FBXW11: variants seen among roughly 807,000 people sequenced by gnomAD.
The protein encoded by FBXW11 is F-box/WD repeat-containing protein 11.
A neutral mutation model predicts 77.6 loss-of-function variants in FBXW11; 19 were observed. That is an observed-to-expected ratio of 0.24 (90% CI 0.17 to 0.36). The LOEUF is 0.36. FBXW11 is among the 10% of genes least tolerant of loss of function. FBXW11 has a pLI of 1.00. For synonymous variants in FBXW11, 235 were observed against 249.4 expected (o/e 0.94, Z 0.54); for missense variants, 334 against 704.2 (o/e 0.47, Z 5.95).
chr5:171,967,883 T>TATAC (rs1244744249), intron 1 of FBXW11, among the ~76,000 whole-genome samples: 259 of 74,918 alleles, frequency 3.5e-3, no homozygotes, highest in African/African-American at 4.7e-3. Flanking sequence ...TATATATATA[T>TATAC]ACACACACAC....
chr5:171,939,121 C>A (rs1437536222), intron 2 of FBXW11, among the ~76,000 whole-genome samples: 2 of 151,944 alleles, frequency 1.3e-5, no homozygotes, highest in Non-Finnish European at 2.9e-5. Flanking sequence ...CCTGTAATAC[C>A]AGCTACTTGA....
At chr5:171,923,841 C>A (rs1290887578) in intron 2 of FBXW11, among the ~76,000 whole-genome samples, 2 of 148,572 alleles carry the variant, frequency 1.3e-5, no homozygotes, top group African/African-American at 5.0e-5. Context: ...AACACATACA[C>A]ACGTGATAGC....
intron 4 of FBXW11, among the ~76,000 whole-genome samples, chr5:171,909,487 T>C (rs75251658): frequency 0.026 from 3,988 of 152,214 alleles, 168 homozygotes; most frequent in African/African-American, 0.091. Flanking sequence ...TTTGGGGTAA[T>C]AATGATGTGT....
intron 7 of FBXW11, among the ~76,000 whole-genome samples, chr5:171,886,930 G>A (rs1464491353): frequency 2.0e-5 from 3 of 152,086 alleles, no homozygotes; most frequent in South Asian, 2.1e-4. Context: ...GAGGAGAATC[G>A]CTCACTTGAA....
intron 2 of FBXW11, among the ~76,000 whole-genome samples, chr5:171,930,769 A>AT (rs1289777983): frequency 0.029 from 4,321 of 149,022 alleles, 198 homozygotes; most frequent in African/African-American, 0.093. Context: ...AAATAAAAAA[A>AT]AAAAAAAGAA....
chr5:171,996,772 G>T, intron 1 of FBXW11: 2 of 663,336 alleles, frequency 3.0e-6, no homozygotes, highest in Non-Finnish European at 4.3e-6. Context: ...ACGCACAAAC[G>T]TCTAATATTT....
chr5:171,878,479 C>T (rs556605772), intron 7 of FBXW11, among the ~76,000 whole-genome samples: 1 of 151,452 alleles, frequency 6.6e-6, no homozygotes, highest in African/African-American at 2.4e-5. Flanking sequence ...TTTGGGAGGC[C>T]GAGACAGAAG....
At chr5:171,878,842 T>C (rs1028582353) in intron 7 of FBXW11, among the ~76,000 whole-genome samples, 3 of 151,974 alleles carry the variant, frequency 2.0e-5, no homozygotes, top group Non-Finnish European at 4.4e-5. Flanking sequence ...ATTGGCTCAC[T>C]CTCTGGAAAG....
intron 2 of FBXW11, among the ~76,000 whole-genome samples, chr5:171,952,901 T>C (rs1763422289): frequency 6.6e-6 from 1 of 151,784 alleles, no homozygotes; most frequent in Admixed American, 6.6e-5. Context: ...CTATCGTTAG[T>C]GTTAGTGTAA....
At chr5:171,879,808 T>G (rs1421609850) in intron 7 of FBXW11, among the ~76,000 whole-genome samples, 6 of 152,258 alleles carry the variant, frequency 3.9e-5, no homozygotes, top group Admixed American at 2.0e-4. Flanking sequence ...TTAAGCTAAT[T>G]GTTTTTTTTC....
chr5:171,977,532 G>A, intron 1 of FBXW11: 1 of 430,998 alleles, frequency 2.3e-6, no homozygotes, highest in Non-Finnish European at 4.6e-6. Flanking sequence ...TTGTCTAGCA[G>A]GGGATTACGC....
At chr5:171,910,885 T>C in intron 3 of FBXW11, 88 bp from the exon 4 acceptor site, 1 of 976,724 alleles carries the variant, frequency 1.0e-6, no homozygotes, top group East Asian at 2.7e-5. Context: ...ACCCTGTGTA[T>C]TTAATCTTAA....
At chr5:171,926,762 T>C (rs139435228) in intron 2 of FBXW11, among the ~76,000 whole-genome samples, 9 of 152,322 alleles carry the variant, frequency 5.9e-5, no homozygotes, top group African/African-American at 1.9e-4. Context: ...AACAGACTAA[T>C]AGAGGCTCCT....
rs190221400 is a variant in FBXW11 at position 171,975,997 on chromosome 5, C to T, written c.46-18299G>A. On this transcript the variant is annotated intron_variant, in intron 1 of 13. Transcript: ENST00000517395. Reference sequence around the variant, plus strand: ...AAAAGGAGACTATATACAGCATTTACTAACAACTCACAGGAATAATCAACC... The same window carrying T: ...AAAAGGAGACTATATACAGCATTTATTAACAACTCACAGGAATAATCAACC... Among the ~76,000 whole-genome samples the T allele has an allele frequency of 7.3e-4, 111 of 151,972 alleles. 1 individual carries two copies. Among genetic ancestry groups the T allele is most frequent in the African/African-American group, 2.4e-3 (99 of 41,452 alleles).
intron 2 of FBXW11, among the ~76,000 whole-genome samples, chr5:171,918,036 C>T (rs1163482004): frequency 2.0e-5 from 3 of 151,914 alleles, no homozygotes; most frequent in Admixed American, 2.0e-4. Flanking sequence ...AACAGCCTGG[C>T]GTAATTCCTT....
chr5:171,872,920 T>C lies in FBXW11; in HGVS notation c.1292A>G (p.Gln431Arg). The change falls in exon 10 of 14, where the codon CAG becomes CGG. Residue 431 changes from glutamine (Q) to arginine (R), a missense_variant. Around this residue, in one of 10 missense-constraint regions of FBXW11, gnomAD observed 50 missense variants for 119.6 expected, o/e 0.42. Coordinates refer to ENST00000517395, the MANE Select transcript of FBXW11 (RefSeq NM_001378974.1). ...ACTAACAACCAGGCGATCCCTGTAC[T>C]GGAGACAGGCAATGCCCCGCTTGTG... ...NGHKRGIACL[Q>R]YRDRLVVSGS... 1 of 1,614,130 alleles carries C rather than the reference T, an allele frequency of 6.2e-7. No homozygotes were observed. The highest frequency in any genetic ancestry group is 8.5e-7 in the Non-Finnish European group (1 of 1,179,998).
Position 172,006,545 on chromosome 5 carries a change from G to C in FBXW11, c.-43C>G. On this transcript the variant is annotated 5_prime_UTR_variant, in exon 1 of 14. Transcript: ENST00000517395. Reference sequence around the variant, plus strand: ...CGCCTCGCTCTCCCCGCGCAGCAGCGAACGGCCCGGGCGGAGGAGGCGACG... The same window carrying C: ...CGCCTCGCTCTCCCCGCGCAGCAGCCAACGGCCCGGGCGGAGGAGGCGACG... 3 of 1,481,718 alleles carry C rather than the reference G, an allele frequency of 2.0e-6. No individual in the cohort carries two copies. Among genetic ancestry groups the C allele is most frequent in the East Asian group, 5.9e-5 (2 of 34,012 alleles). 91.8% of individuals were successfully genotyped at this position (1,481,718 alleles called of 1,614,324 possible).
intron 2 of FBXW11, among the ~76,000 whole-genome samples, chr5:171,927,321 A>C (rs1312600281): frequency 6.6e-6 from 1 of 152,186 alleles, no homozygotes; most frequent in Non-Finnish European, 1.5e-5. Flanking sequence ...AATATACCTC[A>C]ATTCTTTCAA....
chr5:172,005,833 G>A (rs972705807), intron 1 of FBXW11, among the ~76,000 whole-genome samples: 2 of 152,146 alleles, frequency 1.3e-5, no homozygotes, highest in Admixed American at 6.5e-5. Flanking sequence ...CGCCGGGTAG[G>A]AAACCCTTTG....
Sources: gnomAD v4.1 joint callset for allele counts (sites outside exome capture counted in the v4.1 genomes callset) on GRCh38, gnomAD v4.1.1 for gene constraint, gnomAD v4.1.1 regional missense constraint, MANE v1.5 for transcripts, NCBI Gene and HGNC (gene_info 2026-07-23, HGNC 2026-07-21) for gene names.